Variants in CACNB2 observed in about 807,000 individuals in gnomAD.
CACNB2 encodes voltage-dependent L-type calcium channel subunit beta-2.
Under a neutral mutation model 73.3 loss-of-function variants are expected in CACNB2, and 42 were observed. The ratio of observed to expected loss-of-function variants is 0.57; its 90% CI spans 0.45 to 0.74. The LOEUF is 0.74. CACNB2 is among the 30% of genes least tolerant of loss of function. The pLI, the probability that CACNB2 is intolerant of heterozygous loss-of-function variation, is 0.00. For synonymous variants in CACNB2, 348 were observed against 310.3 expected, an observed-to-expected ratio of 1.12 and a Z score of -1.28; for missense variants, 940 against 853.0, an observed-to-expected ratio of 1.10 and a Z score of -1.27.
At position 18,184,189 on chromosome 10, in the gene CACNB2, T is replaced by G. The variant is rs1028484413; in HGVS notation, c.213+33214T>G. On this transcript the variant is annotated intron_variant, in intron 2 of 13. Transcript: ENST00000324631. ...ATGGTAGATGATCAGTTTATACTCA[T>G]TGAACTTTGTTGCATGGGATTAAAA... Among the ~76,000 whole-genome samples, 23 of 152,214 alleles carry G rather than the reference T, an allele frequency of 1.5e-4. 1 individual carries two copies. The highest frequency in any genetic ancestry group is 5.3e-4 in the African/African-American group (22 of 41,440).
At chr10:18,350,144 G>T (rs1455624351) in intron 2 of CACNB2, among the ~76,000 whole-genome samples, 1 of 152,062 alleles carries the variant, frequency 6.6e-6, no homozygotes, top group Non-Finnish European at 1.5e-5. Context: ...ACTCAGGAGG[G>T]TGAGGCAGGA....
At chr10:18,280,009 G>A (rs2038471678) in intron 2 of CACNB2, among the ~76,000 whole-genome samples, 1 of 152,194 alleles carries the variant, frequency 6.6e-6, no homozygotes, top group Admixed American at 6.5e-5. Context: ...AACCCAGGAG[G>A]TGGAGGTTGC....
intron 2 of CACNB2, among the ~76,000 whole-genome samples, chr10:18,367,704 T>C (rs920485134): frequency 2.0e-5 from 3 of 152,186 alleles, no homozygotes; most frequent in African/African-American, 7.2e-5. Context: ...ACAGTAAATG[T>C]AGTCACCTGT....
chr10:18,454,922 G>T (rs2047201607), intron 3 of CACNB2, among the ~76,000 whole-genome samples: 1 of 152,018 alleles, frequency 6.6e-6, no homozygotes, highest in Non-Finnish European at 1.5e-5. Context: ...GGCACCTGTG[G>T]TCCCAGCTGC....
chr10:18,218,364 A>G (rs11013049), intron 2 of CACNB2, among the ~76,000 whole-genome samples: 11,666 of 152,262 alleles, frequency 0.077, 672 homozygotes, highest in African/African-American at 0.16. Flanking sequence ...ACTGAATTCC[A>G]TACAATTTAT....
intron 2 of CACNB2, among the ~76,000 whole-genome samples, chr10:18,201,055 G>A (rs2034856581): frequency 6.6e-6 from 1 of 152,108 alleles, no homozygotes; most frequent in South Asian, 2.1e-4. Flanking sequence ...TCTATTGGGT[G>A]ATCATTTTAA....
At chr10:18,416,818 T>C (rs1446587416) in intron 3 of CACNB2, among the ~76,000 whole-genome samples, 1 of 152,134 alleles carries the variant, frequency 6.6e-6, no homozygotes, top group African/African-American at 2.4e-5. Context: ...AAGTACTAAG[T>C]AGGGAAGTGG....
At chr10:18,165,628 G>C (rs1052842580) in intron 2 of CACNB2, among the ~76,000 whole-genome samples, 1 of 152,170 alleles carries the variant, frequency 6.6e-6, no homozygotes. Context: ...GCCAGGTACA[G>C]GTAGTATACC....
intron 3 of CACNB2, among the ~76,000 whole-genome samples, chr10:18,497,478 C>T (rs917984524): frequency 2.0e-5 from 3 of 151,970 alleles, no homozygotes; most frequent in South Asian, 2.1e-4. Context: ...GGAGTGCAGT[C>T]GCGTGATCAT....
At chr10:18,249,643 C>A (rs1473199185) in intron 2 of CACNB2, among the ~76,000 whole-genome samples, 1 of 152,146 alleles carries the variant, frequency 6.6e-6, no homozygotes, top group Non-Finnish European at 1.5e-5. Context: ...CTTGACCTCA[C>A]CTCTAATGGG....
At chr10:18,265,705 C>T (rs2037767673) in intron 2 of CACNB2, among the ~76,000 whole-genome samples, 1 of 151,470 alleles carries the variant, frequency 6.6e-6, no homozygotes, top group African/African-American at 2.4e-5. Context: ...GTTTTCTCAC[C>T]CATATAATCA....
chr10:18,424,977 G>A (rs12765367), intron 3 of CACNB2, among the ~76,000 whole-genome samples: 7,451 of 152,222 alleles, frequency 0.049, 268 homozygotes, highest in Non-Finnish European at 0.076. Flanking sequence ...ATTAGCAGTG[G>A]AATTGTAGGT....
intron 2 of CACNB2, among the ~76,000 whole-genome samples, chr10:18,209,366 A>G (rs1366989423): frequency 6.6e-6 from 1 of 152,172 alleles, no homozygotes; most frequent in Non-Finnish European, 1.5e-5. Context: ...AATTTTCAAG[A>G]AAGGTATTCT....
intron 2 of CACNB2, among the ~76,000 whole-genome samples, chr10:18,273,281 C>T (rs144967647): frequency 6.6e-6 from 1 of 152,152 alleles, no homozygotes; most frequent in African/African-American, 2.4e-5. Flanking sequence ...GGGAGGGCTA[C>T]TTGATCGGCT....
Position 18,145,087 on chromosome 10 carries a change from G to T in CACNB2, c.120+4231G>T, listed in dbSNP as rs75631828. Among the ~76,000 whole-genome samples, 425 of 152,296 alleles carry T rather than the reference G, an allele frequency of 2.8e-3. 1 individual carries two copies. The highest frequency in any genetic ancestry group is 9.8e-3 in the African/African-American group (407 of 41,552). On this transcript the variant is annotated intron_variant, in intron 1 of 13. Transcript: ENST00000324631. ...TGAAACTGAACAGACAGTAACCAGT[G>T]GGCCTGTTTGTTTTGCTCCTAGCAA...
At chr10:18,417,568 A>G (rs898285592) in intron 3 of CACNB2, among the ~76,000 whole-genome samples, 1 of 151,888 alleles carries the variant, frequency 6.6e-6, no homozygotes, top group Non-Finnish European at 1.5e-5. Flanking sequence ...AGGTTTCACC[A>G]TGTTGGCCAG....
intron 2 of CACNB2, among the ~76,000 whole-genome samples, chr10:18,164,496 G>A (rs1362948393): frequency 6.6e-6 from 1 of 152,100 alleles, no homozygotes; most frequent in East Asian, 1.9e-4. Context: ...AGACAATTCT[G>A]CAGGCAATGG....
intron 2 of CACNB2, among the ~76,000 whole-genome samples, chr10:18,188,333 C>T (rs969532559): frequency 5.3e-5 from 8 of 152,092 alleles, no homozygotes; most frequent in African/African-American, 1.9e-4. Flanking sequence ...CCTTCCTTCC[C>T]AGAGTCCCAC....
intron 2 of CACNB2, among the ~76,000 whole-genome samples, chr10:18,305,913 A>G (rs1350247978): frequency 1.3e-5 from 2 of 152,138 alleles, no homozygotes; most frequent in Non-Finnish European, 2.9e-5. Context: ...GGCTGCAGTG[A>G]GCTATGATTG....
Sources: allele counts gnomAD v4.1 joint callset (sites outside exome capture counted in the v4.1 genomes callset), GRCh38; gene constraint gnomAD v4.1.1; transcripts MANE v1.5; gene names NCBI Gene and HGNC (gene_info 2026-07-23, HGNC 2026-07-21).